Variants in TNFRSF10A observed in about 807,000 individuals in gnomAD.
TNFRSF10A encodes the protein tumor necrosis factor receptor superfamily member 10A.
A neutral mutation model predicts 42.8 loss-of-function variants in TNFRSF10A; 44 were observed. The observed-to-expected ratio is 1.03, with a 90% CI of 0.81 to 1.32. The LOEUF (loss-of-function observed/expected upper bound fraction) is 1.32. TNFRSF10A is among the 40% of genes most tolerant of loss of function. TNFRSF10A has a pLI of 0.00. For missense variants in TNFRSF10A, 680 were observed against 602.0 expected (o/e 1.13, Z -1.36); for synonymous variants, 259 against 234.2 (o/e 1.11, Z -0.97).
chr8:23,197,905 T>C (rs1394122135), intron 8 of TNFRSF10A, among the ~76,000 whole-genome samples: 5 of 152,234 alleles, frequency 3.3e-5, no homozygotes, highest in Admixed American at 2.0e-4. Flanking sequence ...CTCTCTTTAC[T>C]TACTGAGTAC....
At chr8:23,201,108 C>T (rs1280595893) in intron 4 of TNFRSF10A, among the ~76,000 whole-genome samples, 1 of 152,184 alleles carries the variant, frequency 6.6e-6, no homozygotes, top group Non-Finnish European at 1.5e-5. Flanking sequence ...ACAAGCTGAG[C>T]CCCTTCCTCC....
Position 23,191,440 on chromosome 8 carries a change from AT to A in TNFRSF10A, c.*253del, listed in dbSNP as rs1421125400. The A allele has an allele frequency of 3.7e-5, 21 of 572,254 alleles. No individual in the cohort carries two copies. Among genetic ancestry groups the A allele is most frequent in the Non-Finnish European group, 3.0e-6 (1 of 330,296 alleles). 35.4% of individuals were successfully genotyped at this position (572,254 alleles called of 1,614,324 possible). On this transcript the variant is annotated 3_prime_UTR_variant, in exon 10 of 10. Coordinates refer to ENST00000221132, the MANE Select transcript of TNFRSF10A (RefSeq NM_003844.4). ...CAGCCTCCCGAGTAGCCGAGAATAT[AT>A]GCACACACCATCACATCCAGTTAAT...
At chr8:23,203,515 G>A (rs1249838759) in intron 2 of TNFRSF10A, among the ~76,000 whole-genome samples, 4 of 152,194 alleles carry the variant, frequency 2.6e-5, no homozygotes, top group Admixed American at 1.3e-4. Flanking sequence ...TGTCGCCAGC[G>A]GGAGCCCATG....
chr8:23,199,388 CGTT>C lies in TNFRSF10A; in HGVS notation c.889_891del (p.Asn297del). On this transcript the variant is annotated inframe_deletion, in exon 8 of 10. Transcript: ENST00000221132. ...AGCGAGTCTGCGTTGCTCAGAATCT[CGTT>C]GTGAGCATTGTCCTCAGCCCCAGGC... The C allele has an allele frequency of 6.2e-7, 1 of 1,614,144 alleles. No individual in the cohort carries two copies. Among genetic ancestry groups the C allele is most frequent in the Admixed American group, 1.7e-5 (1 of 60,026 alleles).
At chr8:23,223,519 TAA>T (rs1308628565) in intron 1 of TNFRSF10A, among the ~76,000 whole-genome samples, 30 of 152,232 alleles carry the variant, frequency 2.0e-4, no homozygotes, top group Admixed American at 1.9e-3. Flanking sequence ...GTATTAAAAA[TAA>T]GAGTCAAACG....
intron 2 of TNFRSF10A, among the ~76,000 whole-genome samples, chr8:23,206,083 A>G (rs1255247622): frequency 6.6e-6 from 1 of 152,220 alleles, no homozygotes; most frequent in African/African-American, 2.4e-5. Flanking sequence ...TAAGTTAAAA[A>G]TACAAAAATG....
At chr8:23,210,417 CACG>C (rs1353726408) in intron 2 of TNFRSF10A, among the ~76,000 whole-genome samples, 1 of 152,156 alleles carries the variant, frequency 6.6e-6, no homozygotes, top group African/African-American at 2.4e-5. Context: ...CACGGTGGCT[CACG>C]ACTGTAATCC....
intron 2 of TNFRSF10A, chr8:23,207,295 GAGA>G (rs1801028888): frequency 1.7e-6 from 1 of 601,108 alleles, no homozygotes; most frequent in South Asian, 1.4e-5. Flanking sequence ...GCCTGATGGA[GAGA>G]AGAAGGCATA....
chr8:23,217,992 T>C lies in TNFRSF10A; in HGVS notation c.307-5780A>G, dbSNP rs1285288048. On this transcript the variant is annotated intron_variant, in intron 1 of 9. Transcript: ENST00000221132. ...CCACACAGGCAGGTTCCTAGGCAGA[T>C]ACGAAGTCAAGGCAGTCGGGGAGGG... Among the ~76,000 whole-genome samples, 4 of 152,130 alleles carry C rather than the reference T, an allele frequency of 2.6e-5. No individual in the cohort carries two copies. In the East Asian group the frequency reaches 7.7e-4, roughly 29 times the overall value.
intron 2 of TNFRSF10A, among the ~76,000 whole-genome samples, chr8:23,205,570 A>G (rs1003118538): frequency 4.6e-5 from 7 of 152,282 alleles, no homozygotes; most frequent in Non-Finnish European, 8.8e-5. Context: ...AGAAGAAGGC[A>G]TTGTTATCAG....
At chr8:23,213,642 G>A (rs1408866508) in intron 1 of TNFRSF10A, among the ~76,000 whole-genome samples, 4 of 148,462 alleles carry the variant, frequency 2.7e-5, no homozygotes, top group Non-Finnish European at 6.0e-5. Flanking sequence ...TAGAGACAGA[G>A]TTTCACTGTG....
intron 4 of TNFRSF10A, 72 bp downstream of exon 4, chr8:23,201,736 C>G: frequency 7.4e-7 from 1 of 1,347,260 alleles, no homozygotes. Flanking sequence ...CAAGGAGACT[C>G]GGGTCTTTTT....
intron 2 of TNFRSF10A, among the ~76,000 whole-genome samples, chr8:23,208,495 T>C (rs4604438): frequency 0.49 from 73,887 of 151,694 alleles, 19,247 homozygotes; most frequent in East Asian, 0.98. Context: ...CTTGCTCTGT[T>C]GCCCAGGCTG....
intron 4 of TNFRSF10A, 29 bp from the exon 5 acceptor site, chr8:23,200,789 G>GA (rs1554522788): frequency 6.9e-6 from 10 of 1,450,268 alleles, no homozygotes; most frequent in South Asian, 3.4e-5. Context: ...GGAGGGGGGG[G>GA]ACTCTTGATG....
At chr8:23,207,323 C>T (rs1261280439) in intron 2 of TNFRSF10A, 4 of 595,444 alleles carry the variant, frequency 6.7e-6, no homozygotes, top group African/African-American at 3.7e-5. Context: ...CGACTGGCTC[C>T]TGATTACCAT....
At chr8:23,205,999 AGCCACTGCGCCCG>A (rs1801000950) in intron 2 of TNFRSF10A, among the ~76,000 whole-genome samples, 1 of 152,208 alleles carries the variant, frequency 6.6e-6, no homozygotes, top group South Asian at 2.1e-4. Context: ...TACAGGTGTG[AGCCACTGCGCCCG>A]GCCAATGTCT....
intron 4 of TNFRSF10A, 29 bp from the exon 5 acceptor site, chr8:23,200,789 G>GGA (rs1800902327): frequency 6.9e-7 from 1 of 1,450,024 alleles, no homozygotes; most frequent in African/African-American, 1.4e-5. Flanking sequence ...GGAGGGGGGG[G>GGA]ACTCTTGATG....
At chr8:23,209,419 CTT>C (rs1801062739) in intron 2 of TNFRSF10A, among the ~76,000 whole-genome samples, 1 of 152,200 alleles carries the variant, frequency 6.6e-6, no homozygotes, top group South Asian at 2.1e-4. Context: ...CTGCTGATAA[CTT>C]ATACACCGTG....
intron 2 of TNFRSF10A, among the ~76,000 whole-genome samples, chr8:23,208,639 G>A (rs1475789594): frequency 6.6e-6 from 1 of 152,036 alleles, no homozygotes; most frequent in Non-Finnish European, 1.5e-5. Flanking sequence ...TGTATTTTTA[G>A]TAGAGACGGG....
Sources: gnomAD v4.1 joint callset for allele counts (sites outside exome capture counted in the v4.1 genomes callset) on GRCh38, gnomAD v4.1.1 for gene constraint, MANE v1.5 for transcripts, NCBI Gene and HGNC (gene_info 2026-07-23, HGNC 2026-07-21) for gene names.